Variants in POLR2E observed in about 807,000 individuals in gnomAD.
POLR2E encodes RNA polymerase II, I and III subunit E, also known as DNA-directed RNA polymerases I, II, and III subunit RPABC1.
Under a neutral mutation model 29.8 loss-of-function variants are expected in POLR2E, and 35 were observed. The observed-to-expected ratio is 1.17, with a 90% CI of 0.90 to 1.55. The LOEUF (loss-of-function observed/expected upper bound fraction) is 1.55. POLR2E is among the 40% of genes most tolerant of loss of function. POLR2E has a pLI of 0.00. For synonymous variants in POLR2E, 174 were observed against 112.6 expected, an observed-to-expected ratio of 1.55 and a Z score of -3.45; for missense variants, 287 against 288.6, an observed-to-expected ratio of 0.99 and a Z score of 0.04.
rs1350841186 is a variant in POLR2E, at chr19:1,087,617, G to T, written c.*1118C>A. On this transcript the variant is annotated 3_prime_UTR_variant, in exon 8 of 8. Transcript: ENST00000615234. Reference sequence around the variant, plus strand: ...TGACGACTCTAGTGACCTCCTAGGAGTGACATCAGTGTTTGTCCCTTTGGG... The same window carrying T: ...TGACGACTCTAGTGACCTCCTAGGATTGACATCAGTGTTTGTCCCTTTGGG... 1 of 152,214 alleles carries T rather than the reference G, an allele frequency of 6.6e-6. No homozygotes were observed. The highest frequency in any genetic ancestry group is 1.5e-5 in the Non-Finnish European group (1 of 68,064). The allele number at this position is 152,214 out of a possible 1,614,324, so 9.4% of individuals were successfully genotyped here.
In POLR2E at chr19:1,089,406, A is replaced by G. The variant is rs1235499123; in HGVS notation, c.*14+66T>C. On this transcript the variant is annotated intron_variant, in intron 7 of 7. Coordinates refer to ENST00000615234, the MANE Select transcript of POLR2E (RefSeq NM_002695.5). ...GGACAAAGCAAGAACAGCCCTGCAC[A>G]CCGACGGAGGGGACGACACCCCTGC... 6 of 1,062,470 alleles carry G rather than the reference A, an allele frequency of 5.6e-6. No homozygotes were observed. In the Admixed American group the frequency reaches 1.1e-4, roughly 20 times the overall value. 65.8% of individuals were successfully genotyped at this position (1,062,470 alleles called of 1,614,324 possible).
chr19:1,093,448 C>T (rs147011647), intron 2 of POLR2E, among the ~76,000 whole-genome samples: 8 of 146,228 alleles, frequency 5.5e-5, no homozygotes, highest in East Asian at 2.3e-4. Flanking sequence ...GGACGAGTAC[C>T]GGACGCTGAC....
chr19:1,095,064 C>T, intron 1 of POLR2E, 195 bp downstream of exon 1: 1 of 585,578 alleles, frequency 1.7e-6, no homozygotes. Flanking sequence ...TCTCGAAACC[C>T]CCTCCCTTCC....
chr19:1,088,883 C>T (rs535875449), intron 7 of POLR2E, among the ~76,000 whole-genome samples, 163 bp from the exon 8 acceptor site: 3 of 151,054 alleles, frequency 2.0e-5, no homozygotes, highest in East Asian at 1.9e-4. Flanking sequence ...GTCACACAGG[C>T]GTGGGCAGTA....
Position 1,089,974 on chromosome 19 carries a change from C to T in POLR2E, c.489-12G>A, listed in dbSNP as rs757698929. 3.7e-6 allele frequency: 6 copies of T among 1,611,108 alleles called. No individual in the cohort carries two copies. Among genetic ancestry groups the T allele is most frequent in the South Asian group, 1.1e-5 (1 of 90,998 alleles). On this transcript the variant is annotated splice_polypyrimidine_tract_variant and intron_variant, in intron 5 of 7. Coordinates refer to ENST00000615234, the MANE Select transcript of POLR2E (RefSeq NM_002695.5). ...TCTCTCGGAGCTTACTGCGAAGCAC[C>T]GTCAGGAAAATGCCAGACAGGGCCG...
rs927470247 is a variant in POLR2E at position 1,091,919 on chromosome 19, G to C, written c.233-12C>G. 4 of 1,578,508 alleles carry C rather than the reference G, an allele frequency of 2.5e-6. No individual in the cohort carries two copies. Among genetic ancestry groups the C allele is most frequent in the East Asian group, 2.2e-5 (1 of 44,746 alleles). On this transcript the variant is annotated splice_polypyrimidine_tract_variant and intron_variant, in intron 2 of 7. Coordinates refer to ENST00000615234, the MANE Select transcript of POLR2E (RefSeq NM_002695.5). ...CACCTTGGGCTCCTCTGCAGACAGA[G>C]AGTGTGCTGGCCTGCACGAGCCTGG...
intron 2 of POLR2E, among the ~76,000 whole-genome samples, chr19:1,093,255 C>T (rs748132666): frequency 2.6e-5 from 4 of 152,202 alleles, no homozygotes; most frequent in African/African-American, 7.2e-5. Context: ...AGACGTGCTC[C>T]GTCACCCCAC....
chr19:1,091,425 G>A (rs1190256975), intron 3 of POLR2E: 1 of 378,166 alleles, frequency 2.6e-6, no homozygotes, highest in African/African-American at 2.1e-5. Context: ...ATAGGCCCCT[G>A]GAGGACCCCG....
chr19:1,094,138 T>A, intron 1 of POLR2E, 60 bp from the exon 2 acceptor site: 1 of 1,523,258 alleles, frequency 6.6e-7, no homozygotes, highest in Non-Finnish European at 8.9e-7. Context: ...CCAAAGCTCG[T>A]GACCCGGAAG....
At chr19:1,093,871 T>C (rs766282414) in intron 2 of POLR2E, 33 bp downstream of exon 2, 1 of 1,536,388 alleles carries the variant, frequency 6.5e-7, no homozygotes, top group South Asian at 1.3e-5. Flanking sequence ...CTCTGGTGGC[T>C]TCACCGGAAC....
In POLR2E at chr19:1,095,247, G is replaced by A. The variant is rs1384919779; in HGVS notation, c.57+12C>T. The A allele has an allele frequency of 6.2e-7, 1 of 1,612,408 alleles. No individual in the cohort carries two copies. The highest frequency in any genetic ancestry group is 8.5e-7 in the Non-Finnish European group (1 of 1,179,450). ...GCCCGCGCCCCCGCCCCCAACACCA[G>A]GCGCGGCTCACCTGCATGATGGTCT... On this transcript the variant is annotated intron_variant, in intron 1 of 7. Coordinates refer to ENST00000615234, the MANE Select transcript of POLR2E (RefSeq NM_002695.5).
chr19:1,090,128 G>A lies in POLR2E; in HGVS notation c.447C>T (p.Val149=), dbSNP rs202102339. 20 of 1,612,610 alleles carry A rather than the reference G, an allele frequency of 1.2e-5. No homozygotes were observed. The highest frequency in any genetic ancestry group is 8.9e-5 in the East Asian group (4 of 44,874). The change falls in exon 5 of 8, where the codon GTC becomes GTT. Residue 149 remains valine (V), a synonymous_variant. Transcript: ENST00000615234. ...CTGTCACCTCCTCCTTGGTCATGAC[G>A]ACGTGCTCAGGGACTAGCTGCCGAG... ...ITEHELVPEH[V]VMTKEEVTEL... is the part of the protein sequence containing the mutation.
chr19:1,093,714 A>C, intron 2 of POLR2E, 190 bp downstream of exon 2: 2 of 1,374,858 alleles, frequency 1.5e-6, no homozygotes, highest in Non-Finnish European at 1.9e-6. Context: ...ACTAGAAAGA[A>C]GCTGAGCATG....
chr19:1,095,053 G>C, intron 1 of POLR2E: 2 of 411,086 alleles, frequency 4.9e-6, no homozygotes, highest in Admixed American at 3.9e-5. Flanking sequence ...GCACCCAGAC[G>C]TCTCGAAACC....
At chr19:1,093,681 G>A (rs1568516441) in intron 2 of POLR2E, 5 of 1,274,700 alleles carry the variant, frequency 3.9e-6, no homozygotes, top group East Asian at 3.1e-5. Context: ...TTGGCAGGAA[G>A]AGAGAAGGGG....
rs2043761894 is a variant in POLR2E, at chr19:1,088,633, G to A, written c.*102C>T. Reference sequence around the variant, plus strand: ...CCTTGGGGAGTCCAGAGGAGCAGCAGCCGTGAGAGCTGTGGGGGCCGGATT... The same window carrying A: ...CCTTGGGGAGTCCAGAGGAGCAGCAACCGTGAGAGCTGTGGGGGCCGGATT... On this transcript the variant is annotated 3_prime_UTR_variant, in exon 8 of 8. Coordinates refer to ENST00000615234, the MANE Select transcript of POLR2E (RefSeq NM_002695.5). 1 of 152,684 alleles carries A rather than the reference G, an allele frequency of 6.5e-6. No homozygotes were observed. Among genetic ancestry groups the A allele is most frequent in the African/African-American group, 2.4e-5 (1 of 41,474 alleles). 9.5% of individuals were successfully genotyped at this position (152,684 alleles called of 1,614,324 possible). A position where few individuals can be genotyped will look rare whatever the true frequency, so the allele number is the denominator to read the frequency against.
chr19:1,093,624 A>T, intron 2 of POLR2E: 1 of 680,422 alleles, frequency 1.5e-6, no homozygotes, highest in Non-Finnish European at 2.1e-6. Flanking sequence ...AGGGCAAAGG[A>T]CATGGGGGGC....
At chr19:1,091,690 G>A in intron 3 of POLR2E, 102 bp downstream of exon 3, 2 of 776,844 alleles carry the variant, frequency 2.6e-6, no homozygotes, top group Non-Finnish European at 4.4e-6. Flanking sequence ...ACCCTGGCTG[G>A]CCTGGCCCAA....
At chr19:1,092,505 C>T (rs12462743) in intron 2 of POLR2E, among the ~76,000 whole-genome samples, 92,335 of 151,646 alleles carry the variant, frequency 0.61, 29,088 homozygotes, top group African/African-American at 0.78. Flanking sequence ...ATCGAGACCA[C>T]CCTGGCTAAC....
Sources: gnomAD v4.1 joint callset for allele counts (sites outside exome capture counted in the v4.1 genomes callset) on GRCh38, gnomAD v4.1.1 for gene constraint, MANE v1.5 for transcripts, NCBI Gene and HGNC (gene_info 2026-07-23, HGNC 2026-07-21) for gene names.